Variants in RC3H2 observed in about 807,000 individuals in gnomAD.
The protein encoded by RC3H2 is roquin-2.
RC3H2 carries 31 observed loss-of-function variants against 133.3 expected under a neutral mutation model. The observed-to-expected ratio is 0.23, with a 90% CI of 0.17 to 0.31. The LOEUF (loss-of-function observed/expected upper bound fraction) is 0.31, where lower values mean the gene tolerates loss of function less well. Among genes scored for constraint, RC3H2 ranks in the 10% least tolerant of loss-of-function variants. The pLI, the probability that RC3H2 is intolerant of heterozygous loss-of-function variation, is 1.00. For missense variants in RC3H2, 1,175 were observed against 1,437.2 expected (o/e 0.82, Z 2.95); for synonymous variants, 517 against 502.2 (o/e 1.03, Z -0.40).
In RC3H2 at chr9:122,849,661, T is replaced by C. The variant is rs1829943861; in HGVS notation, c.3542A>G (p.Lys1181Arg). 6.2e-7 allele frequency: 1 copy of C among 1,613,322 alleles called. No homozygotes were observed. The highest frequency in any genetic ancestry group is 1.7e-5 in the Admixed American group (1 of 59,870). Residue 1181 changes from lysine to arginine, a missense_variant, in exon 21 of 21, where the codon AAA becomes AGA. This residue lies in a region of RC3H2 where 220 missense variants were observed against 201.1 expected (regional missense o/e 1.09). Coordinates refer to ENST00000357244, the MANE Select transcript of RC3H2 (RefSeq NM_001100588.3). ...VMSEDKNDFL[K>R]PVANGKMVNS is the part of the protein sequence containing the mutation. ...AACCATCTTCCCATTTGCAACAGGT[T>C]TTAAAAAGTCGTTTTTATCTTCAGA...
chr9:122,854,653 G>GA (rs781002019), intron 15 of RC3H2, 38 bp from the exon 16 acceptor site: 1 of 1,368,164 alleles, frequency 7.3e-7, no homozygotes, highest in East Asian at 2.3e-5. Flanking sequence ...TCAAAAAAGT[G>GA]AAAAATCAGT....
rs1381557903 is a variant in RC3H2, at chr9:122,865,633, G to A, written c.1350C>T (p.Ile450=). The A allele has an allele frequency of 6.2e-7, 1 of 1,612,326 alleles. No individual in the cohort carries two copies. Among genetic ancestry groups the A allele is most frequent in the Non-Finnish European group, 8.5e-7 (1 of 1,179,556 alleles). ...LEKYRLRNKK[I]NATVRTFPLL... is the part of the protein sequence containing the mutation. ...GAGGAAACGTTCTTACAGTGGCATT[G>A]ATCTTTTTGTTCCTTAATCGATACC... is the stretch of plus-strand genomic sequence containing the variant. The change falls in exon 10 of 21, where the codon ATC becomes ATT. Residue 450 remains isoleucine (I), a synonymous_variant. Coordinates refer to ENST00000357244, the MANE Select transcript of RC3H2 (RefSeq NM_001100588.3).
chr9:122,867,832 C>A (rs1330578179), intron 9 of RC3H2, among the ~76,000 whole-genome samples: 2 of 109,200 alleles, frequency 1.8e-5, no homozygotes, highest in East Asian at 2.3e-4. Context: ...GCCCGGCAGC[C>A]GGCCCATCTG....
intron 4 of RC3H2, among the ~76,000 whole-genome samples, chr9:122,889,460 A>C (rs895134669): frequency 3.3e-4 from 50 of 152,296 alleles, no homozygotes; most frequent in African/African-American, 1.2e-3. Flanking sequence ...TCACTTATTA[A>C]AAGTTTCCTT....
chr9:122,903,357 G>GT (rs955596100), intron 1 of RC3H2, among the ~76,000 whole-genome samples: 7 of 152,040 alleles, frequency 4.6e-5, no homozygotes, highest in African/African-American at 1.2e-4. Flanking sequence ...TTGTTATGAA[G>GT]TTTTTTTTAG....
rs558604500 is a variant in RC3H2 at position 122,872,423 on chromosome 9, A to T, written c.1325+5048T>A. Among the ~76,000 whole-genome samples, 5 of 152,350 alleles carry T rather than the reference A, an allele frequency of 3.3e-5. No homozygotes were observed. The East Asian group carries it at 7.7e-4, about 23-fold the overall frequency. ...CAGACACCAGAGTGATATGTCTAAGACAAAATGAAAATTTCATCATTCCAT... is the reference window on the plus strand; with the variant it reads ...CAGACACCAGAGTGATATGTCTAAGTCAAAATGAAAATTTCATCATTCCAT... On this transcript the variant is annotated intron_variant, in intron 9 of 20. Transcript: ENST00000357244.
chr9:122,889,457 TTA>T (rs1832069975), intron 4 of RC3H2, among the ~76,000 whole-genome samples: 1 of 152,196 alleles, frequency 6.6e-6, no homozygotes, highest in Admixed American at 6.5e-5. Flanking sequence ...ACATCACTTA[TTA>T]AAAGTTTCCT....
rs1168392109 is a variant in RC3H2 at position 122,867,913 on chromosome 9, C to T, written c.1326-2256G>A. 4.5e-3 allele frequency among the ~76,000 whole-genome samples: 144 copies of T among 32,320 alleles called. 6 individuals are homozygous for T. Among genetic ancestry groups the T allele is most frequent in the African/African-American group, 0.011 (128 of 12,160 alleles). 21.2% of individuals were successfully genotyped at this position (32,320 alleles called of 152,430 possible). A position where few individuals can be genotyped will look rare whatever the true frequency, so the allele number is the denominator to read the frequency against. On this transcript the variant is annotated intron_variant, in intron 9 of 20. Transcript: ENST00000357244. ...GAGGTGGGGGGGTCAGCCCCCCGCC[C>T]AGCCAGCCGCCCCGTCCGGGAGGGA...
At chr9:122,859,126 T>C (rs1289645007) in intron 11 of RC3H2, 24 bp from the exon 12 acceptor site, 1 of 1,502,826 alleles carries the variant, frequency 6.7e-7, no homozygotes, top group Non-Finnish European at 8.9e-7. Context: ...AAGAGGAATA[T>C]TTAATGTAAT....
chr9:122,879,108 A>C (rs1217338710), intron 8 of RC3H2, among the ~76,000 whole-genome samples: 1 of 150,344 alleles, frequency 6.7e-6, no homozygotes, highest in Non-Finnish European at 1.5e-5. Flanking sequence ...TGAAAATTCA[A>C]ATTTCGGCCA....
chr9:122,879,698 T>C, intron 8 of RC3H2, 57 bp downstream of exon 8: 1 of 1,148,948 alleles, frequency 8.7e-7, no homozygotes, highest in Non-Finnish European at 1.3e-6. Context: ...GTTAAGATGT[T>C]CAGGATGAAA....
intron 18 of RC3H2, among the ~76,000 whole-genome samples, chr9:122,852,462 C>G (rs1191072184): frequency 6.8e-6 from 1 of 147,984 alleles, no homozygotes; most frequent in Non-Finnish European, 1.5e-5. Context: ...AGGGGCGCCT[C>G]TGCCCGGCCG....
rs1830602954 is a variant in RC3H2 at position 122,865,400 on chromosome 9, C to A, written c.1583G>T (p.Gly528Val). Residue 528 changes from glycine (G) to valine (V), a missense_variant, in exon 10 of 21, where the codon GGC (glycine) becomes GTC (valine). Physicochemically the swap from Gly to Val is moderately radical, Grantham distance 109 (BLOSUM62 -3). Coordinates refer to ENST00000357244, the MANE Select transcript of RC3H2 (RefSeq NM_001100588.3). Reference sequence around the variant, plus strand: ...CCCAGCAGCATTCTGACCATTAGCGCCAACCTTTCCCACTTTCTTCACGGT... The same window carrying A: ...CCCAGCAGCATTCTGACCATTAGCGACAACCTTTCCCACTTTCTTCACGGT... ...LETVKKVGKV[G>V]ANGQNAAGPS... is the part of the protein sequence containing the mutation. The A allele has an allele frequency of 1.2e-6, 2 of 1,614,138 alleles. No individual in the cohort carries two copies. The highest frequency in any genetic ancestry group is 1.7e-6 in the Non-Finnish European group (2 of 1,179,970).
intron 10 of RC3H2, among the ~76,000 whole-genome samples, chr9:122,864,496 T>C (rs973546392): frequency 1.3e-5 from 2 of 152,140 alleles, no homozygotes; most frequent in African/African-American, 4.8e-5. Context: ...TTGACACCAT[T>C]ATAATTCTAG....
At chr9:122,869,312 A>T (rs901176870) in intron 9 of RC3H2, among the ~76,000 whole-genome samples, 14 of 152,202 alleles carry the variant, frequency 9.2e-5, no homozygotes, top group Non-Finnish European at 2.1e-4. Context: ...TATTAATGTT[A>T]TATATAAACA....
Position 122,848,718 on chromosome 9 carries a change from G to T in RC3H2, c.*909C>A, listed in dbSNP as rs538214554. The stretch of plus-strand genomic sequence containing the variant: ...AACGCTACATACAGGGTTTTCTCAA[G>T]AAAGCTGAAAGCACCTGATTCTTTT... On this transcript the variant is annotated 3_prime_UTR_variant, in exon 21 of 21. Coordinates refer to ENST00000357244, the MANE Select transcript of RC3H2 (RefSeq NM_001100588.3). 1 of 152,246 alleles carries T rather than the reference G, an allele frequency of 6.6e-6. No homozygotes were observed. Among genetic ancestry groups the T allele is most frequent in the South Asian group, 2.1e-4 (1 of 4,830 alleles). 9.4% of individuals were successfully genotyped at this position (152,246 alleles called of 1,614,324 possible). A position where few individuals can be genotyped will look rare whatever the true frequency, so the allele number is the denominator to read the frequency against.
chr9:122,867,527 ATCGTCTGGGACGTGAGGAGCC>A (rs1417990637), intron 9 of RC3H2, among the ~76,000 whole-genome samples: 6 of 16,406 alleles, frequency 3.7e-4, no homozygotes, highest in South Asian at 4.7e-3. Flanking sequence ...CCGGCCGCCT[ATCGTCTGGGACGTGAGGAGCC>A]CCTCTGCCTG....
chr9:122,884,211 T>C (rs1588098636), intron 4 of RC3H2, among the ~76,000 whole-genome samples: 1 of 151,998 alleles, frequency 6.6e-6, no homozygotes, highest in African/African-American at 2.4e-5. Context: ...GAGAATGGCA[T>C]GAACCTGGGA....
intron 1 of RC3H2, among the ~76,000 whole-genome samples, chr9:122,903,291 C>G (rs1368217666): frequency 6.6e-6 from 1 of 152,156 alleles, no homozygotes; most frequent in Non-Finnish European, 1.5e-5. Context: ...TTTTCCATCA[C>G]TAAAAAGTGA....
Sources: gnomAD v4.1 joint callset for allele counts (sites outside exome capture counted in the v4.1 genomes callset) on GRCh38, gnomAD v4.1.1 for gene constraint, gnomAD v4.1.1 regional missense constraint, MANE v1.5 for transcripts, NCBI Gene and HGNC (gene_info 2026-07-23, HGNC 2026-07-21) for gene names.